CRB1: variants seen among roughly 807,000 people sequenced by gnomAD.
CRB1 encodes the protein crumbs cell polarity complex component 1.
Under a neutral mutation model 120.0 loss-of-function variants are expected in CRB1, and 83 were observed. The ratio of observed to expected loss-of-function variants is 0.69; its 90% confidence interval spans 0.58 to 0.83. CRB1 has a LOEUF of 0.83. Ranked by LOEUF, CRB1 falls within the 40% of genes least tolerant of loss-of-function variation. The pLI, the probability that CRB1 is intolerant of heterozygous loss-of-function variation, is 0.00. For missense variants in CRB1, 1,699 were observed against 1,687.6 expected (o/e 1.01, Z -0.12); for synonymous variants, 625 against 612.5 (o/e 1.02, Z -0.30).
intron 8 of CRB1, among the ~76,000 whole-genome samples, chr1:197,430,741 T>C (rs1664831533): frequency 3.3e-5 from 5 of 152,184 alleles, no homozygotes. Flanking sequence ...TTGTCTATCA[T>C]CTCTTTCATC....
intron 4 of CRB1, among the ~76,000 whole-genome samples, chr1:197,350,094 GA>G (rs1221982690): frequency 4.8e-5 from 7 of 144,606 alleles, no homozygotes; most frequent in African/African-American, 1.9e-4. Flanking sequence ...GCGACAGAGC[GA>G]GACTCCGTCT....
At chr1:197,264,921 G>A (rs775115526), upstream of CRB1, among the ~76,000 whole-genome samples, 22 of 151,610 alleles carry the variant, frequency 1.5e-4, no homozygotes, top group Admixed American at 3.9e-4. Context: ...CACCACGCCC[G>A]GCCAGAACAG....
intron 5 of CRB1, among the ~76,000 whole-genome samples, chr1:197,375,497 G>T (rs1463602369): frequency 1.3e-5 from 2 of 152,144 alleles, no homozygotes; most frequent in Admixed American, 1.3e-4. Flanking sequence ...GGCCTGGGTA[G>T]AATGGTAAGG....
chr1:197,268,566 T>G, intron 1 of CRB1, 84 bp downstream of exon 1: 1 of 1,071,580 alleles, frequency 9.3e-7, no homozygotes, highest in Non-Finnish European at 1.4e-6. Context: ...ATGTTGCATG[T>G]TCTATAAAAT....
In CRB1 at chr1:197,309,836, C is replaced by T. The variant is rs1434753960; in HGVS notation, c.71-18586C>T. On this transcript the variant is annotated intron_variant, in intron 1 of 11. Coordinates refer to ENST00000367400, the MANE Select transcript of CRB1 (RefSeq NM_201253.3). The stretch of plus-strand genomic sequence containing the variant: ...GTAGTTGTTCAAGATGAAGGTTACA[C>T]ACAGAGAACTGGGTATGTTATTTAT... 3.9e-5 allele frequency among the ~76,000 whole-genome samples: 6 copies of T among 152,012 alleles called. No homozygotes were observed. In the East Asian group the frequency reaches 9.7e-4, roughly 25 times the overall value.
At chr1:197,228,479 C>G in the CRB1 span, among the ~76,000 whole-genome samples, 1 of 152,304 alleles carries the variant, frequency 6.6e-6, no homozygotes, top group African/African-American at 2.4e-5. Context: ...CAAGAGTCAC[C>G]TTTACTCCAG....
At chr1:197,273,300 G>A (rs953452874) in intron 1 of CRB1, among the ~76,000 whole-genome samples, 2 of 152,012 alleles carry the variant, frequency 1.3e-5, no homozygotes, top group African/African-American at 4.8e-5. Context: ...AAGGCAAAGG[G>A]TTATCCTCAT....
chr1:197,397,983 A>G (rs1412755952), intron 5 of CRB1, among the ~76,000 whole-genome samples: 1 of 151,976 alleles, frequency 6.6e-6, no homozygotes, highest in East Asian at 1.9e-4. Flanking sequence ...AGTGACCTGG[A>G]CCTCTGTTGC....
intron 1 of CRB1, among the ~76,000 whole-genome samples, chr1:197,277,275 G>T (rs1228535831): frequency 6.6e-6 from 1 of 151,826 alleles, no homozygotes; most frequent in Admixed American, 6.6e-5. Flanking sequence ...TAGTCTTTTT[G>T]GTTCTCCACG....
At chr1:197,350,998 AAGG>A (rs1426083063) in intron 4 of CRB1, among the ~76,000 whole-genome samples, 7 of 152,104 alleles carry the variant, frequency 4.6e-5, no homozygotes, top group Admixed American at 3.3e-4. Context: ...TGAAGAACGG[AAGG>A]AGAAGAGGAA....
At chr1:197,216,762 G>A in the CRB1 span, among the ~76,000 whole-genome samples, 12 of 152,164 alleles carry the variant, frequency 7.9e-5, no homozygotes, top group Admixed American at 2.6e-4. Flanking sequence ...AGGGTCTTTT[G>A]AAAGACCTAC....
chr1:197,243,935 C>G, the CRB1 span, among the ~76,000 whole-genome samples: 3 of 152,082 alleles, frequency 2.0e-5, no homozygotes, highest in Non-Finnish European at 4.4e-5. Flanking sequence ...TAATGGCCTT[C>G]TTTGTCTTTT....
intron 11 of CRB1, among the ~76,000 whole-genome samples, chr1:197,463,036 G>A (rs778827996): frequency 2.6e-5 from 4 of 151,958 alleles, no homozygotes; most frequent in Admixed American, 1.3e-4. Flanking sequence ...CTTAATCATC[G>A]CCTGATGATA....
intron 11 of CRB1, among the ~76,000 whole-genome samples, chr1:197,473,558 A>C (rs1667071557): frequency 6.6e-6 from 1 of 152,098 alleles, no homozygotes; most frequent in Non-Finnish European, 1.5e-5. Flanking sequence ...CATACAATAT[A>C]CATTTTTTAA....
chr1:197,321,621 A>G (rs1358766728), intron 1 of CRB1, among the ~76,000 whole-genome samples: 1 of 152,242 alleles, frequency 6.6e-6, no homozygotes, highest in African/African-American at 2.4e-5. Context: ...CCTCATACAT[A>G]CAGGCATACT....
At chr1:197,222,506 G>A in the CRB1 span, 6 of 768,544 alleles carry the variant, frequency 7.8e-6, no homozygotes, top group South Asian at 5.4e-5. Flanking sequence ...ACCCTTTGGA[G>A]AATGCAGTTC....
At chr1:197,223,003 T>C in the CRB1 span, 2 of 797,458 alleles carry the variant, frequency 2.5e-6, no homozygotes, top group Admixed American at 3.4e-5. Context: ...AGTTAGTCAC[T>C]ATTAAGTCAT....
chr1:197,284,056 A>C (rs1655685439), intron 1 of CRB1, among the ~76,000 whole-genome samples: 1 of 151,908 alleles, frequency 6.6e-6, no homozygotes, highest in South Asian at 2.1e-4. Flanking sequence ...ATGTTTTCTC[A>C]TCTGCCTAAT....
At chr1:197,435,664 A>G (rs1358548399) in intron 9 of CRB1, 52 bp downstream of exon 9, 1 of 1,481,776 alleles carries the variant, frequency 6.7e-7, no homozygotes, top group Admixed American at 1.8e-5. Context: ...ACTCTGCATC[A>G]CTGTTCTTGT....
Sources: gnomAD v4.1 joint callset for allele counts (sites outside exome capture counted in the v4.1 genomes callset) on GRCh38, gnomAD v4.1.1 for gene constraint, MANE v1.5 for transcripts, NCBI Gene and HGNC (gene_info 2026-07-23, HGNC 2026-07-21) for gene names.